ALCAM: variants seen among roughly 807,000 people sequenced by gnomAD.
ALCAM encodes CD166 antigen.
A neutral mutation model predicts 70.9 loss-of-function variants in ALCAM; 30 were observed. That is an observed-to-expected ratio of 0.42 (90% confidence interval 0.32 to 0.57). The LOEUF is 0.57. ALCAM is among the 20% of genes least tolerant of loss of function. The probability of loss-of-function intolerance (pLI) is 0.11; values close to 1 mark genes in which losing one functional copy is unlikely to be tolerated. For synonymous variants in ALCAM, 249 were observed against 242.5 expected (o/e 1.03, Z -0.25); for missense variants, 591 against 695.1 (o/e 0.85, Z 1.68).
chr3:105,411,857 A>G (rs1936397624), intron 1 of ALCAM, among the ~76,000 whole-genome samples: 1 of 152,108 alleles, frequency 6.6e-6, no homozygotes, highest in Non-Finnish European at 1.5e-5. Context: ...TTAGGATCCC[A>G]TAACCTAGAA....
At chr3:105,391,554 C>G (rs1935817989) in intron 1 of ALCAM, among the ~76,000 whole-genome samples, 1 of 152,082 alleles carries the variant, frequency 6.6e-6, no homozygotes, top group African/African-American at 2.4e-5. Flanking sequence ...TTTACTTCCT[C>G]TCTTCCTATT....
intron 1 of ALCAM, among the ~76,000 whole-genome samples, chr3:105,413,238 A>C (rs1219370240): frequency 2.6e-5 from 4 of 152,132 alleles, no homozygotes; most frequent in Non-Finnish European, 5.9e-5. Flanking sequence ...TAAGTGCTTC[A>C]TACAGTGACT....
At chr3:105,441,562 C>A (rs575329352) in intron 1 of ALCAM, among the ~76,000 whole-genome samples, 1 of 152,246 alleles carries the variant, frequency 6.6e-6, no homozygotes, top group Admixed American at 6.5e-5. Context: ...AATGTGTGAA[C>A]TTATATTTAC....
At chr3:105,555,901 C>T (rs1940504888) in intron 14 of ALCAM, among the ~76,000 whole-genome samples, 1 of 151,756 alleles carries the variant, frequency 6.6e-6, no homozygotes, top group Admixed American at 6.6e-5. Context: ...TTAAAAAAAA[C>T]TGAAGGTGCT....
At chr3:105,550,072 T>A in intron 11 of ALCAM, 55 bp from the exon 12 acceptor site, 1 of 1,489,314 alleles carries the variant, frequency 6.7e-7, no homozygotes, top group Non-Finnish European at 9.2e-7. Flanking sequence ...TACTCTTTCC[T>A]ATGCTTTTTA....
chr3:105,379,916 A>G (rs1366949580), intron 1 of ALCAM, among the ~76,000 whole-genome samples: 3 of 151,840 alleles, frequency 2.0e-5, no homozygotes, highest in Non-Finnish European at 4.4e-5. Context: ...CCTTTTGCAT[A>G]ATAACTCACT....
intron 1 of ALCAM, among the ~76,000 whole-genome samples, chr3:105,407,077 CA>C (rs564793559): frequency 2.0e-5 from 3 of 151,248 alleles, no homozygotes; most frequent in African/African-American, 4.9e-5. Context: ...AAAATGCCAA[CA>C]AAAAAAAGTC....
chr3:105,375,342 G>C (rs1463090015), intron 1 of ALCAM, among the ~76,000 whole-genome samples: 1 of 152,084 alleles, frequency 6.6e-6, no homozygotes. Flanking sequence ...TTTGTAACTT[G>C]TCTTTATGTC....
At chr3:105,550,763 T>G (rs983234766) in intron 12 of ALCAM, among the ~76,000 whole-genome samples, 4 of 151,604 alleles carry the variant, frequency 2.6e-5, no homozygotes, top group African/African-American at 9.7e-5. Context: ...AATTCATGAA[T>G]CTAGTTTACA....
intron 2 of ALCAM, among the ~76,000 whole-genome samples, chr3:105,521,791 TGAAAG>T (rs1302196608): frequency 1.3e-5 from 2 of 152,076 alleles, no homozygotes; most frequent in Admixed American, 6.5e-5. Context: ...GAGTGGGAAA[TGAAAG>T]GAAAGGAAAG....
At chr3:105,543,069 T>C (rs1940162365) in intron 8 of ALCAM, among the ~76,000 whole-genome samples, 1 of 151,720 alleles carries the variant, frequency 6.6e-6, no homozygotes, top group South Asian at 2.1e-4. Flanking sequence ...CATGATGTCT[T>C]TGGGCCAATA....
At chr3:105,408,096 G>A (rs1936294876) in intron 1 of ALCAM, among the ~76,000 whole-genome samples, 3 of 152,034 alleles carry the variant, frequency 2.0e-5, no homozygotes, top group African/African-American at 7.2e-5. Flanking sequence ...CCATGCTCAT[G>A]GTTGGGTAGA....
At chr3:105,491,060 G>A (rs1450403490) in intron 1 of ALCAM, among the ~76,000 whole-genome samples, 3 of 152,304 alleles carry the variant, frequency 2.0e-5, no homozygotes, top group Non-Finnish European at 2.9e-5. Flanking sequence ...CTGAAATCTA[G>A]GCAGAGGTTC....
chr3:105,483,509 T>C (rs986795876), intron 1 of ALCAM, among the ~76,000 whole-genome samples: 20 of 152,036 alleles, frequency 1.3e-4, no homozygotes, highest in African/African-American at 4.8e-4. Context: ...CGGAGAAGCT[T>C]ATGGAAGATA....
intron 15 of ALCAM, among the ~76,000 whole-genome samples, chr3:105,572,817 C>T (rs954577456): frequency 1.3e-5 from 2 of 151,964 alleles, no homozygotes; most frequent in African/African-American, 4.8e-5. Flanking sequence ...TACCAGTTTC[C>T]CCCACTCCCT....
chr3:105,483,834 C>A (rs913025352), intron 1 of ALCAM, among the ~76,000 whole-genome samples: 2 of 152,050 alleles, frequency 1.3e-5, no homozygotes, highest in African/African-American at 4.8e-5. Flanking sequence ...AGATGAACTA[C>A]ACCTAATAAT....
At chr3:105,534,167 CA>C (rs934633099) in intron 5 of ALCAM, among the ~76,000 whole-genome samples, 11 of 152,084 alleles carry the variant, frequency 7.2e-5, no homozygotes, top group Non-Finnish European at 8.8e-5. Context: ...TAATGTGAGC[CA>C]TGGGGAGTGG....
intron 5 of ALCAM, among the ~76,000 whole-genome samples, chr3:105,534,138 G>A (rs1348698899): frequency 6.6e-6 from 1 of 152,126 alleles, no homozygotes; most frequent in Non-Finnish European, 1.5e-5. Flanking sequence ...TGATCTGACA[G>A]GAGAAGGAGC....
chr3:105,484,405 C>T (rs992035412), intron 1 of ALCAM, among the ~76,000 whole-genome samples: 1 of 151,378 alleles, frequency 6.6e-6, no homozygotes, highest in Admixed American at 6.6e-5. Flanking sequence ...GGCATGCTGC[C>T]ATACCCAGGA....
Sources: gnomAD v4.1 joint callset for allele counts (sites outside exome capture counted in the v4.1 genomes callset) on GRCh38, gnomAD v4.1.1 for gene constraint, MANE v1.5 for transcripts, NCBI Gene and HGNC (gene_info 2026-07-23, HGNC 2026-07-21) for gene names.